The following ORC4 variants were observed in gnomAD, a reference collection of about 807,000 sequenced individuals.
The protein encoded by ORC4 is origin recognition complex, subunit 4 homolog.
In ORC4, 55 loss-of-function variants were observed where a neutral mutation model predicts 63.9. The ratio of observed to expected loss-of-function variants is 0.86; its 90% confidence interval spans 0.69 to 1.08. ORC4 has a LOEUF of 1.08. ORC4 is among the 50% of genes least tolerant of loss of function. The probability of loss-of-function intolerance (pLI) is 0.00; values close to 1 mark genes in which losing one functional copy is unlikely to be tolerated. For missense variants in ORC4, 511 were observed against 504.4 expected, an observed-to-expected ratio of 1.01 and a Z score of -0.13; for synonymous variants, 150 against 168.5, an observed-to-expected ratio of 0.89 and a Z score of 0.85.
intron 1 of ORC4, among the ~76,000 whole-genome samples, chr2:148,016,300 A>G (rs1020972207): frequency 6.6e-6 from 1 of 152,194 alleles, no homozygotes; most frequent in Non-Finnish European, 1.5e-5. Context: ...CTTGCACCAA[A>G]AAAGGCCATG....
chr2:147,996,268 C>A (rs1439615504), intron 1 of ORC4, among the ~76,000 whole-genome samples: 4 of 152,132 alleles, frequency 2.6e-5, no homozygotes, highest in African/African-American at 9.7e-5. Context: ...TGTGCCACTG[C>A]ACTCAAGCCT....
At chr2:147,950,810 C>A (rs1385156977) in intron 8 of ORC4, among the ~76,000 whole-genome samples, 1 of 150,186 alleles carries the variant, frequency 6.7e-6, no homozygotes, top group Non-Finnish European at 1.5e-5. Flanking sequence ...CTTGAAAGAA[C>A]TACACAGTTG....
At chr2:148,003,685 C>T (rs1379084608) in intron 1 of ORC4, among the ~76,000 whole-genome samples, 1 of 152,180 alleles carries the variant, frequency 6.6e-6, no homozygotes, top group Non-Finnish European at 1.5e-5. Context: ...GAAGCATTCC[C>T]TTTGAAAACC....
At chr2:147,985,730 T>C (rs1346428062) in intron 1 of ORC4, among the ~76,000 whole-genome samples, 1 of 152,192 alleles carries the variant, frequency 6.6e-6, no homozygotes, top group African/African-American at 2.4e-5. Context: ...AGAAGCAACC[T>C]GGATGAACTC....
intron 1 of ORC4, among the ~76,000 whole-genome samples, chr2:147,976,290 C>A (rs543407404): frequency 6.6e-6 from 1 of 152,078 alleles, no homozygotes; most frequent in Non-Finnish European, 1.5e-5. Flanking sequence ...ACCATGTCCC[C>A]ATTTTGTGTC....
intron 4 of ORC4, among the ~76,000 whole-genome samples, chr2:147,963,083 C>T (rs1175331309): frequency 6.6e-6 from 1 of 152,134 alleles, no homozygotes; most frequent in Non-Finnish European, 1.5e-5. Flanking sequence ...CCTCCCAAAC[C>T]TGACAAACAG....
intron 10 of ORC4, 26 bp downstream of exon 10, chr2:147,943,410 A>G (rs747709431): frequency 1.2e-5 from 18 of 1,446,354 alleles, no homozygotes; most frequent in Middle Eastern, 1.7e-4. Context: ...CAAAGCAACA[A>G]GCAATAAAAC....
At chr2:147,963,229 C>T (rs958923916) in intron 4 of ORC4, among the ~76,000 whole-genome samples, 1 of 152,184 alleles carries the variant, frequency 6.6e-6, no homozygotes, top group Non-Finnish European at 1.5e-5. Context: ...AGCAGCATTA[C>T]ACCTTAGGCC....
chr2:147,971,043 G>T (rs533294255), intron 4 of ORC4, among the ~76,000 whole-genome samples: 2 of 152,156 alleles, frequency 1.3e-5, no homozygotes, highest in Non-Finnish European at 2.9e-5. Context: ...AGGCTGAGGT[G>T]GGAGGACTGC....
At chr2:147,991,916 C>G (rs1691638168) in intron 1 of ORC4, among the ~76,000 whole-genome samples, 2 of 152,236 alleles carry the variant, frequency 1.3e-5, no homozygotes, top group South Asian at 4.1e-4. Flanking sequence ...ATCAATTCTG[C>G]AGTAGTGTTG....
At chr2:147,986,416 G>A (rs1316163624) in intron 1 of ORC4, among the ~76,000 whole-genome samples, 1 of 151,900 alleles carries the variant, frequency 6.6e-6, no homozygotes, top group Non-Finnish European at 1.5e-5. Flanking sequence ...TCTCATCAAT[G>A]TATCAAATAT....
intron 1 of ORC4, among the ~76,000 whole-genome samples, chr2:147,980,374 C>T (rs1406885033): frequency 1.3e-5 from 2 of 151,846 alleles, no homozygotes; most frequent in African/African-American, 4.8e-5. Context: ...TACGCTAATA[C>T]CATGCCAATT....
At chr2:148,019,471 A>G (rs1022213036) in intron 1 of ORC4, among the ~76,000 whole-genome samples, 1 of 152,190 alleles carries the variant, frequency 6.6e-6, no homozygotes, top group Non-Finnish European at 1.5e-5. Flanking sequence ...ACATGCCTGT[A>G]GTTTCAGCTA....
intron 1 of ORC4, among the ~76,000 whole-genome samples, chr2:147,988,802 A>G (rs1691387205): frequency 6.6e-6 from 1 of 152,088 alleles, no homozygotes; most frequent in Non-Finnish European, 1.5e-5. Flanking sequence ...CAAAAAAAAA[A>G]AAAAGATTTA....
upstream of ORC4, chr2:148,021,516 G>A: frequency 1.7e-6 from 1 of 573,484 alleles, no homozygotes. Flanking sequence ...TGCTGCTACT[G>A]CTGCTGCTTG....
intron 4 of ORC4, among the ~76,000 whole-genome samples, chr2:147,964,547 T>A (rs1192693860): frequency 6.6e-6 from 1 of 152,148 alleles, no homozygotes; most frequent in African/African-American, 2.4e-5. Context: ...GTTGAAAACT[T>A]CCCAGTTCTT....
chr2:148,020,254 A>G (rs943249426), intron 1 of ORC4, among the ~76,000 whole-genome samples: 19 of 152,226 alleles, frequency 1.2e-4, no homozygotes, highest in African/African-American at 4.6e-4. Context: ...ATGCATACAG[A>G]GGACTTGTCT....
At chr2:147,972,958 C>G (rs1690307973) in intron 3 of ORC4, 129 bp from the exon 4 acceptor site, 18 of 650,930 alleles carry the variant, frequency 2.8e-5, no homozygotes, top group Non-Finnish European at 5.6e-6. Flanking sequence ...GGTACTTGGC[C>G]TAGCTTCTGA....
At position 147,975,906 on chromosome 2, in the gene ORC4, GA is replaced by G; in HGVS notation, c.52del (p.Ser18HisfsTer30). The G allele has an allele frequency of 6.4e-7, 1 of 1,552,990 alleles. No homozygotes were observed. The highest frequency in any genetic ancestry group is 8.9e-7 in the Non-Finnish European group (1 of 1,124,646). ...SNSLIHTECL[S>X]QVQRILRERF... ...TTAATGAAAATACATACTAACCTGT[GA>G]AAGGCACTCTGTGTGAATTAAGCTG... On this transcript the variant is annotated frameshift_variant, in exon 2 of 14. Coordinates refer to ENST00000392857, the MANE Select transcript of ORC4 (RefSeq NM_181741.4). LOFTEE classifies it high-confidence loss of function.
Sources: allele counts gnomAD v4.1 joint callset (sites outside exome capture counted in the v4.1 genomes callset), GRCh38; gene constraint gnomAD v4.1.1; transcripts MANE v1.5; gene names NCBI Gene and HGNC (gene_info 2026-07-23, HGNC 2026-07-21).